Variants in PFKFB3 observed in about 807,000 individuals in gnomAD.
PFKFB3 encodes the protein 6-phosphofructo-2-kinase/fructose-2,6-bisphosphatase 3.
A neutral mutation model predicts 68.0 loss-of-function variants in PFKFB3; 33 were observed. The ratio of observed to expected loss-of-function variants is 0.49; its 90% CI spans 0.37 to 0.65. The LOEUF is 0.65. Among genes scored for constraint, PFKFB3 ranks in the 30% least tolerant of loss-of-function variants. The probability of loss-of-function intolerance (pLI) is 0.00; values close to 1 mark genes in which losing one functional copy is unlikely to be tolerated. For missense variants in PFKFB3, 586 were observed against 712.2 expected (o/e 0.82, Z 2.02); for synonymous variants, 315 against 288.2 (o/e 1.09, Z -0.94).
intron 6 of PFKFB3, among the ~76,000 whole-genome samples, chr10:6,219,245 G>A (rs966555507): frequency 1.2e-4 from 19 of 152,322 alleles, no homozygotes; most frequent in South Asian, 6.2e-4. Context: ...TGAGTTCAGC[G>A]CCAGGCTGTC....
At chr10:6,259,566 CCACTCATCCATCCACT>C (rs146195461), downstream of PFKFB3, among the ~76,000 whole-genome samples, 4 of 112,622 alleles carry the variant, frequency 3.6e-5, no homozygotes, top group African/African-American at 1.2e-4. Flanking sequence ...ATCCATCCAT[CCACTCATCCATCCACT>C]CATCCATCCA....
At chr10:6,272,421 C>T in the PFKFB3 span, among the ~76,000 whole-genome samples, 2 of 152,240 alleles carry the variant, frequency 1.3e-5, no homozygotes, top group East Asian at 1.9e-4. Context: ...TGGCTGGGCA[C>T]GGTGGCTCAT....
intron 1 of PFKFB3, among the ~76,000 whole-genome samples, chr10:6,168,276 A>G (rs1471664486): frequency 1.3e-5 from 2 of 152,148 alleles, no homozygotes; most frequent in African/African-American, 4.8e-5. Context: ...GGCCACCCAC[A>G]CTGACCATGC....
chr10:6,264,981 T>G, the PFKFB3 span, among the ~76,000 whole-genome samples: 2 of 152,206 alleles, frequency 1.3e-5, no homozygotes, highest in African/African-American at 2.4e-5. Flanking sequence ...TTTCTAGCAT[T>G]GTTTCCCTGG....
At chr10:6,296,166 G>A in the PFKFB3 span, among the ~76,000 whole-genome samples, 1 of 151,950 alleles carries the variant, frequency 6.6e-6, no homozygotes, top group African/African-American at 2.4e-5. Flanking sequence ...GAATGGGAGA[G>A]ATGACTTCCA....
At chr10:6,155,924 T>C (rs1205194711) in intron 1 of PFKFB3, among the ~76,000 whole-genome samples, 2 of 152,158 alleles carry the variant, frequency 1.3e-5, no homozygotes, top group Non-Finnish European at 2.9e-5. Flanking sequence ...ATATTTTTCT[T>C]TCTTAAAATG....
chr10:6,160,003 C>T (rs1245065225), intron 1 of PFKFB3, among the ~76,000 whole-genome samples: 1 of 151,966 alleles, frequency 6.6e-6, no homozygotes, highest in East Asian at 1.9e-4. Context: ...AAGCAATCCT[C>T]CCGCCTGAGC....
At chr10:6,301,735 C>G in the PFKFB3 span, among the ~76,000 whole-genome samples, 2 of 152,118 alleles carry the variant, frequency 1.3e-5, no homozygotes, top group African/African-American at 4.8e-5. Flanking sequence ...GAGGCAAGTC[C>G]CAGGTGAAAG....
the PFKFB3 span, among the ~76,000 whole-genome samples, chr10:6,317,989 A>G: frequency 2.6e-5 from 4 of 152,236 alleles, no homozygotes; most frequent in Admixed American, 2.0e-4. Flanking sequence ...TCAGTGTTAC[A>G]CAGAAGCAGC....
the PFKFB3 span, among the ~76,000 whole-genome samples, chr10:6,279,607 C>T: frequency 6.6e-6 from 1 of 152,078 alleles, no homozygotes; most frequent in Non-Finnish European, 1.5e-5. Context: ...GGGGGAATGT[C>T]TCTCCGTCTC....
chr10:6,228,387 GT>G lies in PFKFB3; in HGVS notation c.1515+2027del. The G allele has an allele frequency of 1.3e-6, 1 of 757,216 alleles. No individual in the cohort carries two copies. The highest frequency in any genetic ancestry group is 1.5e-5 in the South Asian group (1 of 66,430). 46.9% of individuals were successfully genotyped at this position (757,216 alleles called of 1,614,324 possible). A position where few individuals can be genotyped will look rare whatever the true frequency, so the allele number is the denominator to read the frequency against. ...GAGTAGGGAGGAGAGATTCCTGAATGTTTTTGGAAAAGCGTGCAGGCGGTCA... is the reference window on the plus strand; with the variant it reads ...GAGTAGGGAGGAGAGATTCCTGAATGTTTTGGAAAAGCGTGCAGGCGGTCA... On this transcript the variant is annotated intron_variant, in intron 14 of 14. Transcript: ENST00000379775. This position sits in a 1 kb window ranked among gnomAD's most constrained non-coding sequence, Gnocchi z 4.5.
At chr10:6,163,669 C>G (rs1842032427) in intron 1 of PFKFB3, among the ~76,000 whole-genome samples, 2 of 152,130 alleles carry the variant, frequency 1.3e-5, no homozygotes, top group South Asian at 4.1e-4. Context: ...CCGGGAGCAG[C>G]TGCGGGCCCG....
intron 1 of PFKFB3, among the ~76,000 whole-genome samples, chr10:6,173,812 G>A (rs1039315705): frequency 1.3e-5 from 2 of 152,072 alleles, no homozygotes; most frequent in Non-Finnish European, 2.9e-5. Context: ...CTTGGTCTTA[G>A]TGGCAGTCGG....
At position 6,195,830 on chromosome 10, in the gene PFKFB3, AG is replaced by A. The variant is rs554646907; in HGVS notation, c.17-17792del. On this transcript the variant is annotated intron_variant, in intron 1 of 14. Coordinates refer to the PFKFB3 transcript ENST00000379789. Reference sequence around the variant, plus strand: ...AGGTGGTGTGATACGTGAGTTTCTCAGTCCATTTTCCATTCACTTATTCTCA... The same window carrying A: ...AGGTGGTGTGATACGTGAGTTTCTCATCCATTTTCCATTCACTTATTCTCA... Among the ~76,000 whole-genome samples, 196 of 152,330 alleles carry A rather than the reference AG, an allele frequency of 1.3e-3. 1 individual carries two copies. Among genetic ancestry groups the A allele is most frequent in the African/African-American group, 4.1e-3 (171 of 41,580 alleles).
chr10:6,282,559 C>T, the PFKFB3 span, among the ~76,000 whole-genome samples: 1 of 152,168 alleles, frequency 6.6e-6, no homozygotes, highest in African/African-American at 2.4e-5. Context: ...ATCCAATGGG[C>T]CAGGCTACCC....
At chr10:6,243,931 C>A (rs1038376831) in intron 14 of PFKFB3, among the ~76,000 whole-genome samples, 6 of 152,164 alleles carry the variant, frequency 3.9e-5, no homozygotes, top group African/African-American at 1.4e-4. Context: ...CACTATGTTG[C>A]CCAGGCTGGT....
intron 14 of PFKFB3, among the ~76,000 whole-genome samples, chr10:6,241,336 C>T (rs75188078): frequency 0.015 from 2,271 of 152,300 alleles, 127 homozygotes; most frequent in South Asian, 0.11. Context: ...GGGACACGGC[C>T]ACACAGGACT....
At chr10:6,301,773 A>G in the PFKFB3 span, among the ~76,000 whole-genome samples, 1 of 152,188 alleles carries the variant, frequency 6.6e-6, no homozygotes, top group Non-Finnish European at 1.5e-5. Context: ...GGATTCCTCT[A>G]TCTTTATAAG....
At chr10:6,201,325 C>G (rs1843341372), upstream of PFKFB3, among the ~76,000 whole-genome samples, 1 of 152,106 alleles carries the variant, frequency 6.6e-6, no homozygotes, top group African/African-American at 2.4e-5. The surrounding 1 kb of genome is among the most constrained non-coding windows in gnomAD (Gnocchi z 4.1). Context: ...AGTCCAAATG[C>G]AACGCATCGG....
Sources: gnomAD v4.1 joint callset for allele counts (sites outside exome capture counted in the v4.1 genomes callset) on GRCh38, gnomAD v4.1.1 for gene constraint, Gnocchi (gnomAD v3.1) non-coding constraint, MANE v1.5 for transcripts, NCBI Gene and HGNC (gene_info 2026-07-23, HGNC 2026-07-21) for gene names.